Variants in EPS8L2 observed in about 807,000 individuals in gnomAD.
EPS8L2 encodes EPS8 signaling adaptor L2.
In EPS8L2, 81 loss-of-function variants were observed where a neutral mutation model predicts 99.4. The observed-to-expected ratio is 0.82, with a 90% CI of 0.68 to 0.98. The LOEUF is 0.98. EPS8L2 is among the 50% of genes least tolerant of loss of function. The pLI is 0.00. For missense variants in EPS8L2, 1,155 were observed against 968.8 expected (o/e 1.19, Z -2.55); for synonymous variants, 509 against 407.3 (o/e 1.25, Z -3.01).
intron 4 of EPS8L2, among the ~76,000 whole-genome samples, chr11:713,077 C>G (rs1861931340): frequency 1.3e-5 from 2 of 152,166 alleles, no homozygotes; most frequent in African/African-American, 2.4e-5. Flanking sequence ...TGGGGCTTTC[C>G]TGCCTCTCCC....
In EPS8L2 at chr11:709,456, G is replaced by GGCCCC; in HGVS notation, c.44+5_44+6insGCCCC. Reference sequence around the variant, plus strand: ...CTGCTGCCCGGGTGCCACCAAGTGAGCCCTCCCACCCATCCCGAATACCCC... The same window carrying GGCCCC: ...CTGCTGCCCGGGTGCCACCAAGTGAGGCCCCCCCTCCCACCCATCCCGAATACCCC... On this transcript the variant is annotated splice_donor_region_variant and intron_variant, in intron 2 of 20. Transcript: ENST00000318562. 1.3e-6 allele frequency: 2 copies of GGCCCC among 1,588,528 alleles called. No homozygotes were observed. Among genetic ancestry groups the GGCCCC allele is most frequent in the Non-Finnish European group, 1.7e-6 (2 of 1,164,900 alleles).
At chr11:714,975 G>A (rs963040747) in intron 4 of EPS8L2, among the ~76,000 whole-genome samples, 12 of 152,242 alleles carry the variant, frequency 7.9e-5, no homozygotes, top group Admixed American at 6.5e-4. Context: ...GGGCGCGGTG[G>A]CTCATGCCTG....
At chr11:725,958 T>G in intron 17 of EPS8L2, 111 bp downstream of exon 17, 1 of 1,361,342 alleles carries the variant, frequency 7.3e-7, no homozygotes, top group East Asian at 2.7e-5. Context: ...CTGGGGCAGG[T>G]GCAGGGCTCC....
At chr11:708,121 G>A (rs1861779817) in intron 1 of EPS8L2, among the ~76,000 whole-genome samples, 1 of 152,172 alleles carries the variant, frequency 6.6e-6, no homozygotes, top group African/African-American at 2.4e-5. Context: ...CATACCAACA[G>A]CAGTGGCTGG....
In EPS8L2 at chr11:726,729, C is replaced by G. The variant is rs1402073198; in HGVS notation, c.2045C>G (p.Thr682Ser). ...EEGVRVYSQL[T>S]MQKAFLEKQQ... ...GGCGTCCGCGTGTACAGCCAGCTCA[C>G]CATGCAGAAGGCCTTCCTGGAGGTG... The change falls in exon 20 of 21, where the codon ACC (threonine) becomes AGC (serine). Residue 682 changes from threonine (T) to serine (S), a missense_variant. Thr to Ser is a moderately conservative substitution (Grantham distance 58). Transcript: ENST00000318562. 6.3e-7 allele frequency: 1 copy of G among 1,595,438 alleles called. No homozygotes were observed. The highest frequency in any genetic ancestry group is 8.5e-7 in the Non-Finnish European group (1 of 1,172,804).
chr11:724,483 A>G lies in EPS8L2; in HGVS notation c.1455-241A>G. On this transcript the variant is annotated intron_variant, in intron 15 of 20. Coordinates refer to ENST00000318562, the MANE Select transcript of EPS8L2 (RefSeq NM_022772.4). This position sits in a 1 kb window ranked among gnomAD's most constrained non-coding sequence, Gnocchi z 5.5. Reference sequence around the variant, plus strand: ...GGATGGGCCAGCCTTGCTGTACCACAGGCCCCTGCGCCACGCCCACCTCCT... The same window carrying G: ...GGATGGGCCAGCCTTGCTGTACCACGGGCCCCTGCGCCACGCCCACCTCCT... The G allele has an allele frequency of 1.8e-6, 1 of 544,196 alleles. No individual in the cohort carries two copies. 33.7% of individuals were successfully genotyped at this position (544,196 alleles called of 1,614,324 possible). A position where few individuals can be genotyped will look rare whatever the true frequency, so the allele number is the denominator to read the frequency against.
At position 727,202 on chromosome 11, in the gene EPS8L2, T is replaced by TTGGTGGTGCCAGCCCCA; in HGVS notation, c.*237_*238insATGGTGGTGCCAGCCCC. ...GACTAATCTCAGCCAAACCTGCTGC[T>TTGGTGGTGCCAGCCCCA]TGGTGGTGCCAGCCCCTTGTCCACC... On this transcript the variant is annotated 3_prime_UTR_variant, in exon 21 of 21. Transcript: ENST00000318562. The TTGGTGGTGCCAGCCCCA allele has an allele frequency of 2.1e-6, 1 of 487,530 alleles. No individual in the cohort carries two copies. Among genetic ancestry groups the TTGGTGGTGCCAGCCCCA allele is most frequent in the Non-Finnish European group, 3.7e-6 (1 of 272,368 alleles). The allele number at this position is 487,530 out of a possible 1,614,324, so 30.2% of individuals were successfully genotyped here. A position where few individuals can be genotyped will look rare whatever the true frequency, so the allele number is the denominator to read the frequency against.
At position 725,852 on chromosome 11, in the gene EPS8L2, G is replaced by A. The variant is rs531926647; in HGVS notation, c.1680+5G>A. ...GCCGGCGCCCCGTTCGAGCAGGTGA[G>A]CCCGCGGGGGTCCCTGGGGTCGCAG... On this transcript the variant is annotated splice_donor_5th_base_variant and intron_variant, in intron 17 of 20. Transcript: ENST00000318562. 8.7e-6 allele frequency: 12 copies of A among 1,379,326 alleles called. No individual in the cohort carries two copies. The highest frequency in any genetic ancestry group is 1.1e-5 in the Non-Finnish European group (12 of 1,073,186). 85.4% of individuals were successfully genotyped at this position (1,379,326 alleles called of 1,614,324 possible).
chr11:720,087 A>G lies in EPS8L2; in HGVS notation c.191A>G (p.Lys64Arg). ...VQHLATFIMD[K>R]SEAITSVDDA... The stretch of plus-strand genomic sequence containing the variant: ...CACCTGGCCACATTCATCATGGACA[A>G]GAGCGAAGCCATCACGTCTGTGGAC... The change falls in exon 5 of 21, where the codon AAG becomes AGG. Residue 64 changes from lysine to arginine, a missense_variant. By Grantham distance (26) the Lys-to-Arg change is conservative. Coordinates refer to ENST00000318562, the MANE Select transcript of EPS8L2 (RefSeq NM_022772.4). 6.2e-7 allele frequency: 1 copy of G among 1,613,080 alleles called. No homozygotes were observed. Among genetic ancestry groups the G allele is most frequent in the Admixed American group, 1.7e-5 (1 of 59,978 alleles).
At position 721,612 on chromosome 11, in the gene EPS8L2, G is replaced by A; in HGVS notation, c.816G>A (p.Arg272=). The part of the protein sequence containing the change: ...ALDDIEWFVA[R]LQKAAEAFKQ... ...ACGACATCGAGTGGTTTGTGGCCCG[G>A]CTGCAGAAGGCAGCCGAGGCTTTCA... Residue 272 remains arginine, a synonymous_variant, in exon 10 of 21, where the codon CGG becomes CGA. Transcript: ENST00000318562. 1 of 1,573,464 alleles carries A rather than the reference G, an allele frequency of 6.4e-7. No individual in the cohort carries two copies. The highest frequency in any genetic ancestry group is 8.6e-7 in the Non-Finnish European group (1 of 1,164,838).
chr11:710,323 C>G, intron 3 of EPS8L2, 99 bp from the exon 4 acceptor site: 1 of 1,198,878 alleles, frequency 8.3e-7, no homozygotes, highest in Middle Eastern at 1.9e-4. Context: ...AGCAGCCTCC[C>G]TCCGCTTGAC....
chr11:717,965 C>A (rs867727488), intron 4 of EPS8L2, among the ~76,000 whole-genome samples: 8 of 151,062 alleles, frequency 5.3e-5, no homozygotes, highest in Admixed American at 4.0e-4. Context: ...GCCGAGATCG[C>A]GCCACTGCAC....
chr11:722,622 G>A (rs1292609671), intron 13 of EPS8L2, 51 bp from the exon 14 acceptor site: 5 of 1,609,308 alleles, frequency 3.1e-6, no homozygotes, highest in Non-Finnish European at 4.2e-6. Context: ...AGGGGGTCCT[G>A]GTGGGCCAGT....
At position 721,314 on chromosome 11, in the gene EPS8L2, C is replaced by G; in HGVS notation, c.730C>G (p.Pro244Ala). The G allele has an allele frequency of 6.5e-7, 1 of 1,539,822 alleles. No homozygotes were observed. Among genetic ancestry groups the G allele is most frequent in the East Asian group, 2.4e-5 (1 of 40,862 alleles). ...CCGCCGTCGGGAGTCGCAGGAGGAG[C>G]CGCGGGCCGTGCTGGCTCAGAAGAT... Reference protein sequence around the residue: ...GFRRRESQEEPRAVLAQKIEK... With the variant: ...GFRRRESQEEARAVLAQKIEK... The change falls in exon 9 of 21, where the codon CCG (proline) becomes GCG (alanine). Residue 244 changes from proline to alanine, a missense_variant. Pro to Ala is a conservative substitution (Grantham distance 27). Coordinates refer to ENST00000318562, the MANE Select transcript of EPS8L2 (RefSeq NM_022772.4).
chr11:726,852 C>G, intron 20 of EPS8L2, 49 bp from the exon 21 acceptor site: 2 of 1,597,040 alleles, frequency 1.3e-6, no homozygotes, highest in Non-Finnish European at 8.5e-7. Context: ...GGCCGGCACC[C>G]AGACACGTGG....
chr11:721,246 G>A, intron 8 of EPS8L2, 39 bp from the exon 9 acceptor site: 1 of 1,538,350 alleles, frequency 6.5e-7, no homozygotes, highest in Non-Finnish European at 8.7e-7. Flanking sequence ...AGGGCTCGTT[G>A]TGGGGGGCTC....
intron 9 of EPS8L2, 39 bp downstream of exon 9, chr11:721,391 C>A: frequency 6.5e-7 from 1 of 1,535,220 alleles, no homozygotes; most frequent in Non-Finnish European, 8.8e-7. Context: ...CTCTCTTCCC[C>A]GCCCCCAGCA....
At chr11:722,215 T>A (rs1472571416) in intron 12 of EPS8L2, 50 bp downstream of exon 12, 8 of 1,586,318 alleles carry the variant, frequency 5.0e-6, no homozygotes, top group Admixed American at 3.4e-5. Flanking sequence ...CCCAGAGGCC[T>A]CTGCAGCATC....
chr11:714,538 G>T (rs922655850), intron 4 of EPS8L2, among the ~76,000 whole-genome samples: 21 of 151,402 alleles, frequency 1.4e-4, no homozygotes, highest in African/African-American at 4.4e-4. Flanking sequence ...GCCAGTTCCT[G>T]TGTTTTCTTT....
Sources: gnomAD v4.1 joint callset for allele counts (sites outside exome capture counted in the v4.1 genomes callset) on GRCh38, gnomAD v4.1.1 for gene constraint, Gnocchi (gnomAD v3.1) non-coding constraint, MANE v1.5 for transcripts, NCBI Gene and HGNC (gene_info 2026-07-23, HGNC 2026-07-21) for gene names.